AK4: variants seen among roughly 807,000 people sequenced by gnomAD.
The protein encoded by AK4 is adenylate kinase 4, mitochondrial.
Under a neutral mutation model 24.6 loss-of-function variants are expected in AK4, and 13 were observed. The ratio of observed to expected loss-of-function variants is 0.53; its 90% CI spans 0.34 to 0.84. The LOEUF (loss-of-function observed/expected upper bound fraction) is 0.84. Ranked by LOEUF, AK4 falls within the 40% of genes least tolerant of loss-of-function variation. AK4 has a pLI of 0.01. For missense variants in AK4, 192 were observed against 288.2 expected, an observed-to-expected ratio of 0.67 and a Z score of 2.42; for synonymous variants, 88 against 107.0, an observed-to-expected ratio of 0.82 and a Z score of 1.10.
intron 3 of AK4, among the ~76,000 whole-genome samples, chr1:65,224,301 C>T (rs747175436): frequency 2.0e-5 from 3 of 152,044 alleles, no homozygotes; most frequent in African/African-American, 7.2e-5. Context: ...GGTACTGAAC[C>T]GTATTCTCCT....
chr1:65,199,055 C>G (rs1322790616), intron 2 of AK4, among the ~76,000 whole-genome samples: 4 of 148,010 alleles, frequency 2.7e-5, no homozygotes, highest in East Asian at 2.0e-4. Context: ...CCACTGCACT[C>G]CAGCCTGGGC....
intron 1 of AK4, among the ~76,000 whole-genome samples, chr1:65,159,542 A>G (rs545111469): frequency 6.6e-6 from 1 of 152,266 alleles, no homozygotes; most frequent in South Asian, 2.1e-4. Context: ...CTGTAATCCC[A>G]GCTACTTGGG....
rs988839191 is a variant in AK4 at position 65,225,400 on chromosome 1, G to C, written c.557+530G>C. Among the ~76,000 whole-genome samples the C allele has an allele frequency of 3.3e-5, 5 of 152,204 alleles. No homozygotes were observed. In the South Asian group the frequency reaches 6.2e-4, roughly 19 times the overall value. The stretch of plus-strand genomic sequence containing the variant: ...TGTCAAGCTAGACAGTTGAGTGACA[G>C]GTCTTGGGCTGTTCCGGCCAGTTAT... On this transcript the variant is annotated intron_variant, in intron 4 of 4. Transcript: ENST00000327299.
intron 2 of AK4, among the ~76,000 whole-genome samples, chr1:65,206,278 C>G (rs1651809952): frequency 6.6e-6 from 1 of 152,176 alleles, no homozygotes; most frequent in African/African-American, 2.4e-5. Context: ...CAGTTGCAGA[C>G]AGGTCATGCC....
intron 1 of AK4, among the ~76,000 whole-genome samples, chr1:65,162,951 A>AGT (rs1650217262): frequency 6.6e-6 from 1 of 152,154 alleles, no homozygotes; most frequent in African/African-American, 2.4e-5. Context: ...TCTATATTGT[A>AGT]GTGTGTATCA....
At chr1:65,148,902 C>T in intron 1 of AK4, 1 of 171,844 alleles carries the variant, frequency 5.8e-6, no homozygotes, top group Non-Finnish European at 1.2e-5. Context: ...CGTCCCCGTA[C>T]CCCTTAGCCC....
chr1:65,207,661 G>A (rs1557463287), intron 2 of AK4, among the ~76,000 whole-genome samples: 2 of 151,724 alleles, frequency 1.3e-5, no homozygotes, highest in African/African-American at 2.4e-5. Context: ...CCAAGGTAGC[G>A]TAGTACCTGA....
chr1:65,148,112 G>C, upstream of AK4: 1 of 447,246 alleles, frequency 2.2e-6, no homozygotes, highest in Non-Finnish European at 3.7e-6. Flanking sequence ...GCAGGGCGGG[G>C]CACGGCGCGC....
chr1:65,220,737 A>C (rs2101088435), intron 3 of AK4, among the ~76,000 whole-genome samples: 1 of 152,298 alleles, frequency 6.6e-6, no homozygotes, highest in South Asian at 2.1e-4. Flanking sequence ...TGGCCTCCCA[A>C]AGTGCTGAGA....
At chr1:65,212,792 G>T (rs763321559) in intron 2 of AK4, among the ~76,000 whole-genome samples, 39 of 152,152 alleles carry the variant, frequency 2.6e-4, no homozygotes, top group Non-Finnish European at 1.3e-4. Context: ...GAAATCTAAG[G>T]ACCAGATGTC....
At chr1:65,201,329 T>C (rs955905743) in intron 2 of AK4, among the ~76,000 whole-genome samples, 1 of 152,160 alleles carries the variant, frequency 6.6e-6, no homozygotes, top group Non-Finnish European at 1.5e-5. Context: ...CCATTTCCAG[T>C]GTTTTTCTTC....
chr1:65,196,470 G>A (rs1651475649), intron 2 of AK4, among the ~76,000 whole-genome samples: 1 of 152,188 alleles, frequency 6.6e-6, no homozygotes. Context: ...TTCTTGTTTT[G>A]TTTTGTTTTG....
At chr1:65,209,024 G>A (rs1197033668) in intron 2 of AK4, among the ~76,000 whole-genome samples, 2 of 152,114 alleles carry the variant, frequency 1.3e-5, no homozygotes, top group Non-Finnish European at 2.9e-5. Context: ...ACCTGTAGAT[G>A]TCATAATTAG....
intron 1 of AK4, among the ~76,000 whole-genome samples, chr1:65,173,398 C>T (rs1650603780): frequency 6.6e-6 from 1 of 152,120 alleles, no homozygotes; most frequent in Admixed American, 6.6e-5. Context: ...GGGCCCTCAT[C>T]CTTTACTCAG....
At chr1:65,188,206 C>T (rs1651167811) in intron 1 of AK4, among the ~76,000 whole-genome samples, 1 of 152,016 alleles carries the variant, frequency 6.6e-6, no homozygotes, top group Non-Finnish European at 1.5e-5. Context: ...ACCAGCCTGG[C>T]CAACATGGTG....
chr1:65,208,966 C>G (rs551567325), intron 2 of AK4, among the ~76,000 whole-genome samples: 1 of 146,372 alleles, frequency 6.8e-6, no homozygotes, highest in East Asian at 2.0e-4. Flanking sequence ...TTAATGATAT[C>G]TCACTGCACT....
intron 1 of AK4, among the ~76,000 whole-genome samples, chr1:65,154,880 T>C (rs1570059934): frequency 6.6e-6 from 1 of 151,914 alleles, no homozygotes; most frequent in East Asian, 1.9e-4. Flanking sequence ...GACGTAGTCT[T>C]GCTCTTGTCA....
At chr1:65,202,809 A>G (rs538950498) in intron 2 of AK4, among the ~76,000 whole-genome samples, 1 of 149,408 alleles carries the variant, frequency 6.7e-6, no homozygotes, top group African/African-American at 2.4e-5. Context: ...TAGAAAAAGC[A>G]TGGGTTTATG....
chr1:65,189,483 G>A (rs1002868474), intron 1 of AK4, among the ~76,000 whole-genome samples: 2 of 150,390 alleles, frequency 1.3e-5, no homozygotes, highest in African/African-American at 4.9e-5. Flanking sequence ...TCTCCATGTT[G>A]GTCAGGCTGG....
Sources: gnomAD v4.1 joint callset for allele counts (sites outside exome capture counted in the v4.1 genomes callset) on GRCh38, gnomAD v4.1.1 for gene constraint, MANE v1.5 for transcripts, NCBI Gene and HGNC (gene_info 2026-07-23, HGNC 2026-07-21) for gene names.